EDEM1: variants seen among roughly 807,000 people sequenced by gnomAD.
The protein encoded by EDEM1 is ER degradation-enhancing alpha-mannosidase-like protein 1.
EDEM1 carries 67 observed loss-of-function variants against 74.4 expected under a neutral mutation model. The observed-to-expected ratio is 0.90, with a 90% confidence interval of 0.74 to 1.10. EDEM1 has a LOEUF of 1.10. Ranked by LOEUF, EDEM1 falls within the 50% of genes least tolerant of loss-of-function variation. EDEM1 has a pLI of 0.00. For missense variants in EDEM1, 926 were observed against 851.6 expected (o/e 1.09, Z -1.09); for synonymous variants, 382 against 335.9 (o/e 1.14, Z -1.50).
At chr3:5,213,876 C>T (rs1000304919) in intron 11 of EDEM1, among the ~76,000 whole-genome samples, 20 of 152,258 alleles carry the variant, frequency 1.3e-4, no homozygotes, top group Admixed American at 2.6e-4. Context: ...GACCCCTCCC[C>T]GCTCCCCCAG....
At chr3:5,196,567 A>G (rs1004979782) in intron 2 of EDEM1, among the ~76,000 whole-genome samples, 1 of 152,200 alleles carries the variant, frequency 6.6e-6, no homozygotes, top group Admixed American at 6.5e-5. Context: ...ACTTGGAAAG[A>G]GCTTGAGAGA....
At chr3:5,203,255 C>G in intron 5 of EDEM1, 106 bp downstream of exon 5, 1 of 1,189,334 alleles carries the variant, frequency 8.4e-7, no homozygotes, top group South Asian at 1.9e-5. Flanking sequence ...CAATTGACAA[C>G]TCAGCAAGAA....
At chr3:5,196,985 G>A (rs1312981943) in intron 2 of EDEM1, among the ~76,000 whole-genome samples, 1 of 146,144 alleles carries the variant, frequency 6.8e-6, no homozygotes, top group East Asian at 2.0e-4. Context: ...CTGGAGTGCT[G>A]TGGCGTGATC....
At chr3:5,191,933 C>A (rs936746853) in intron 1 of EDEM1, among the ~76,000 whole-genome samples, 1 of 152,190 alleles carries the variant, frequency 6.6e-6, no homozygotes, top group African/African-American at 2.4e-5. Flanking sequence ...GGGCATGTGA[C>A]CATTCTCAAT....
At chr3:5,192,774 C>T (rs1226447076) in intron 1 of EDEM1, among the ~76,000 whole-genome samples, 3 of 152,014 alleles carry the variant, frequency 2.0e-5, no homozygotes, top group South Asian at 2.1e-4. Context: ...CCCACTTCCC[C>T]CTTATTTTGG....
chr3:5,202,307 G>A (rs2055044689), intron 4 of EDEM1, among the ~76,000 whole-genome samples: 1 of 152,194 alleles, frequency 6.6e-6, no homozygotes, highest in Non-Finnish European at 1.5e-5. Context: ...TGGGTATTGC[G>A]GGAGCTCAGT....
At position 5,199,631 on chromosome 3, in the gene EDEM1, T is replaced by A. The variant is rs2055010447; in HGVS notation, c.622T>A (p.Leu208Ile). 4 of 1,613,756 alleles carry A rather than the reference T, an allele frequency of 2.5e-6. No homozygotes were observed. In the South Asian group the frequency reaches 4.4e-5, roughly 18 times the overall value. ...ATCCGAGTTCCAGAAAGCCGTCAAGTTAGTGATCAACACAGTTTCATTTGA... is the reference window on the plus strand; with the variant it reads ...ATCCGAGTTCCAGAAAGCCGTCAAGATAGTGATCAACACAGTTTCATTTGA... ...NSSEFQKAVK[L>I]VINTVSFDKD... is the part of the protein sequence containing the mutation. The change falls in exon 3 of 12, where the codon TTA (leucine) becomes ATA (isoleucine). Residue 208 changes from leucine (L) to isoleucine (I), a missense_variant. By Grantham distance (5) the Leu-to-Ile change is conservative (BLOSUM62 2). Transcript: ENST00000256497.
At position 5,205,256 on chromosome 3, in the gene EDEM1, C is replaced by A. The variant is rs780073780; in HGVS notation, c.1217+15C>A. 2 of 1,607,034 alleles carry A rather than the reference C, an allele frequency of 1.2e-6. No homozygotes were observed. Among genetic ancestry groups the A allele is most frequent in the Non-Finnish European group, 8.5e-7 (1 of 1,176,416 alleles). Reference sequence around the variant, plus strand: ...TTAAGAAGAGGGTATGTCTCCCTAACATCTCCTCTGTTGCCTTGTAAAGCA... The same window carrying A: ...TTAAGAAGAGGGTATGTCTCCCTAAAATCTCCTCTGTTGCCTTGTAAAGCA... On this transcript the variant is annotated intron_variant, in intron 6 of 11. Coordinates refer to ENST00000256497, the MANE Select transcript of EDEM1 (RefSeq NM_014674.3).
Position 5,213,051 on chromosome 3 carries a change from T to C in EDEM1, c.1681-268T>C, listed in dbSNP as rs140025476. Among the ~76,000 whole-genome samples the C allele has an allele frequency of 1.4e-3, 210 of 152,294 alleles. 1 individual carries two copies. The highest frequency in any genetic ancestry group is 4.9e-3 in the African/African-American group (203 of 41,552). On this transcript the variant is annotated intron_variant, in intron 10 of 11. Coordinates refer to ENST00000256497, the MANE Select transcript of EDEM1 (RefSeq NM_014674.3). ...AGACTACCTGTGCTTGGGCCTTAGTTTCAGAATTTCTGAGTCTCTGCGTCT... is the reference window on the plus strand; with the variant it reads ...AGACTACCTGTGCTTGGGCCTTAGTCTCAGAATTTCTGAGTCTCTGCGTCT...
chr3:5,207,571 A>G (rs1021180558), intron 7 of EDEM1, among the ~76,000 whole-genome samples: 4 of 152,168 alleles, frequency 2.6e-5, no homozygotes, highest in South Asian at 2.1e-4. Context: ...CAGTGGCGCA[A>G]TCTTGGCTCA....
At chr3:5,196,867 T>C (rs2054973800) in intron 2 of EDEM1, among the ~76,000 whole-genome samples, 1 of 152,058 alleles carries the variant, frequency 6.6e-6, no homozygotes, top group Non-Finnish European at 1.5e-5. Flanking sequence ...AATGTATAGC[T>C]CATGAAAGCC....
chr3:5,211,101 C>A lies in EDEM1; in HGVS notation c.1584-19C>A, dbSNP rs768512804. On this transcript the variant is annotated intron_variant, in intron 9 of 11. Coordinates refer to ENST00000256497, the MANE Select transcript of EDEM1 (RefSeq NM_014674.3). ...TGGGAAGGAAGAGAGGCAGGACTGA[C>A]CAGATGATTGTTTTGTAGGTGTGGG... is the stretch of plus-strand genomic sequence containing the variant. The A allele has an allele frequency of 1.2e-6, 2 of 1,612,446 alleles. No homozygotes were observed. Among genetic ancestry groups the A allele is most frequent in the Middle Eastern group, 1.8e-4 (1 of 5,676 alleles).
At chr3:5,211,292 C>G in intron 10 of EDEM1, 76 bp downstream of exon 10, 1 of 1,380,438 alleles carries the variant, frequency 7.2e-7, no homozygotes, top group Non-Finnish European at 1.0e-6. Flanking sequence ...TTCCATCTGA[C>G]AGGTACTTAC....
chr3:5,204,959 A>C (rs2055076802), intron 5 of EDEM1, 108 bp from the exon 6 acceptor site: 1 of 1,216,576 alleles, frequency 8.2e-7, no homozygotes, highest in Non-Finnish European at 1.2e-6. Context: ...CTGTATGCCA[A>C]GGATAAAGGT....
chr3:5,196,979 A>T (rs1260893116), intron 2 of EDEM1, among the ~76,000 whole-genome samples: 1 of 139,928 alleles, frequency 7.1e-6, no homozygotes, highest in Non-Finnish European at 1.5e-5. Flanking sequence ...GCCAGGCTGG[A>T]GTGCTGTGGC....
intron 2 of EDEM1, among the ~76,000 whole-genome samples, chr3:5,198,196 C>T (rs535825071): frequency 1.6e-4 from 25 of 152,084 alleles, no homozygotes; most frequent in South Asian, 6.2e-4. Context: ...TACAGGCATG[C>T]GCCACCACGC....
rs757371508 is a variant in EDEM1 at position 5,201,936 on chromosome 3, G to C, written c.858+12G>C. 1.9e-6 allele frequency: 3 copies of C among 1,599,698 alleles called. No individual in the cohort carries two copies. The highest frequency in any genetic ancestry group is 2.6e-6 in the Non-Finnish European group (3 of 1,175,080). On this transcript the variant is annotated intron_variant, in intron 4 of 11. Coordinates refer to ENST00000256497, the MANE Select transcript of EDEM1 (RefSeq NM_014674.3). ...TTCCATATCCTCGGGTGGGTAGACT[G>C]GTTTGACCCTTTGTGTTTGACAATT...
At chr3:5,191,115 C>G (rs973496562) in intron 1 of EDEM1, among the ~76,000 whole-genome samples, 15 of 152,192 alleles carry the variant, frequency 9.9e-5, no homozygotes, top group Admixed American at 8.5e-4. Flanking sequence ...CTATCGAATA[C>G]TAGGCCTTGA....
At chr3:5,197,330 C>CCT (rs2054982041) in intron 2 of EDEM1, among the ~76,000 whole-genome samples, 1 of 152,120 alleles carries the variant, frequency 6.6e-6, no homozygotes, top group South Asian at 2.1e-4. Flanking sequence ...GCCACAGTGC[C>CCT]CATCAGCATT....
Sources: allele counts gnomAD v4.1 joint callset (sites outside exome capture counted in the v4.1 genomes callset), GRCh38; gene constraint gnomAD v4.1.1; transcripts MANE v1.5; gene names NCBI Gene and HGNC (gene_info 2026-07-23, HGNC 2026-07-21).